The following SLC49A4 variants were observed in gnomAD, a reference collection of about 807,000 sequenced individuals.
SLC49A4 encodes the protein disrupted in renal cancer protein 2.
SLC49A4 carries 36 observed loss-of-function variants against 50.6 expected under a neutral mutation model. That is an observed-to-expected ratio of 0.71 (90% confidence interval 0.55 to 0.94). SLC49A4 has a LOEUF of 0.94. Among genes scored for constraint, SLC49A4 ranks in the 40% least tolerant of loss-of-function variants. SLC49A4 has a pLI of 0.00. For missense variants in SLC49A4, 503 were observed against 605.7 expected (o/e 0.83, Z 1.78); for synonymous variants, 248 against 241.2 (o/e 1.03, Z -0.26).
intron 4 of SLC49A4, among the ~76,000 whole-genome samples, chr3:122,844,783 CAA>C (rs1013063852): frequency 3.1e-5 from 4 of 130,714 alleles, no homozygotes; most frequent in African/African-American, 2.8e-5. Flanking sequence ...ACTCCATCTT[CAA>C]AAAAAAAAAA....
intron 7 of SLC49A4, among the ~76,000 whole-genome samples, chr3:122,870,418 T>C (rs1937181794): frequency 6.6e-6 from 1 of 151,774 alleles, no homozygotes; most frequent in Admixed American, 6.6e-5. Flanking sequence ...GGTCTCACCA[T>C]GTTACCCAGG....
chr3:122,875,232 CCCTT>C (rs1937250318), intron 8 of SLC49A4, among the ~76,000 whole-genome samples: 1 of 152,132 alleles, frequency 6.6e-6, no homozygotes, highest in South Asian at 2.1e-4. Context: ...AAACTGAACC[CCCTT>C]CCATTAAAGC....
intron 1 of SLC49A4, among the ~76,000 whole-genome samples, chr3:122,799,207 A>T (rs1414405457): frequency 6.6e-6 from 1 of 152,300 alleles, no homozygotes; most frequent in East Asian, 1.9e-4. Flanking sequence ...AATATTTAGT[A>T]TGTCACCTAG....
chr3:122,823,044 C>T (rs1364735778), intron 2 of SLC49A4, among the ~76,000 whole-genome samples: 1 of 152,176 alleles, frequency 6.6e-6, no homozygotes, highest in Non-Finnish European at 1.5e-5. Context: ...CTGAGGGTGT[C>T]CCATTCTGGC....
rs112425178 is a variant in SLC49A4, at chr3:122,878,866, G to A, written c.1322-397G>A. The stretch of plus-strand genomic sequence containing the variant: ...TTATTTCAAAATTCAGATGATTTTC[G>A]TATTTGTCTTTTTAATCCATCAGAT... On this transcript the variant is annotated intron_variant, in intron 8 of 8. Coordinates refer to ENST00000261038, the MANE Select transcript of SLC49A4 (RefSeq NM_032839.3). Among the ~76,000 whole-genome samples, 1,451 of 152,100 alleles carry A rather than the reference G, an allele frequency of 9.5e-3. 9 individuals carry two copies. The highest frequency in any genetic ancestry group is 0.017 in the Middle Eastern group (5 of 292).
At chr3:122,834,209 A>G (rs1936644376) in intron 4 of SLC49A4, among the ~76,000 whole-genome samples, 2 of 152,146 alleles carry the variant, frequency 1.3e-5, no homozygotes, top group African/African-American at 4.8e-5. Context: ...CTCTCCCCAG[A>G]TGGTAAGTTT....
chr3:122,875,114 G>A (rs1484066083), intron 8 of SLC49A4, among the ~76,000 whole-genome samples: 1 of 152,090 alleles, frequency 6.6e-6, no homozygotes, highest in Non-Finnish European at 1.5e-5. Context: ...ATTCTTTATG[G>A]TCTCAGGTAT....
At chr3:122,860,527 T>C (rs1937047955) in intron 7 of SLC49A4, among the ~76,000 whole-genome samples, 1 of 152,222 alleles carries the variant, frequency 6.6e-6, no homozygotes, top group South Asian at 2.1e-4. Context: ...TATATCACTG[T>C]TAAATAATAA....
chr3:122,848,705 G>A (rs1244591994), intron 5 of SLC49A4, among the ~76,000 whole-genome samples: 1 of 120,924 alleles, frequency 8.3e-6, no homozygotes, highest in Admixed American at 7.6e-5. Context: ...TGTAATTGCT[G>A]TACATATTTG....
At chr3:122,849,405 C>T (rs1240696283) in intron 5 of SLC49A4, among the ~76,000 whole-genome samples, 2 of 152,108 alleles carry the variant, frequency 1.3e-5, no homozygotes, top group Non-Finnish European at 1.5e-5. Flanking sequence ...ACCTCTGTAC[C>T]GTTTTCCATA....
At chr3:122,847,813 G>C (rs1282633757) in intron 5 of SLC49A4, among the ~76,000 whole-genome samples, 1 of 152,164 alleles carries the variant, frequency 6.6e-6, no homozygotes, top group Non-Finnish European at 1.5e-5. Flanking sequence ...GGATTTAGCA[G>C]ACTGAGGCTA....
intron 3 of SLC49A4, among the ~76,000 whole-genome samples, chr3:122,828,872 T>C (rs1936572542): frequency 6.6e-6 from 1 of 152,126 alleles, no homozygotes; most frequent in African/African-American, 2.4e-5. Flanking sequence ...ACCTAAGCAA[T>C]GATTGTATTT....
intron 7 of SLC49A4, among the ~76,000 whole-genome samples, chr3:122,860,923 C>T (rs1387008331): frequency 6.6e-6 from 1 of 152,104 alleles, no homozygotes; most frequent in African/African-American, 2.4e-5. Flanking sequence ...AATCTTTTTC[C>T]TTGCCTTTTC....
chr3:122,797,930 A>G (rs1432527923), intron 1 of SLC49A4, among the ~76,000 whole-genome samples: 3 of 152,206 alleles, frequency 2.0e-5, no homozygotes, highest in Admixed American at 6.5e-5. Context: ...GCAGTGAGCT[A>G]TGATTGCTCC....
intron 4 of SLC49A4, among the ~76,000 whole-genome samples, chr3:122,844,838 T>C (rs1031337868): frequency 6.6e-6 from 1 of 151,964 alleles, no homozygotes; most frequent in African/African-American, 2.4e-5. Context: ...GATTTTTTTC[T>C]TTTATAAAGC....
chr3:122,840,458 AAC>A (rs1289254862), intron 4 of SLC49A4, among the ~76,000 whole-genome samples: 9 of 152,214 alleles, frequency 5.9e-5, no homozygotes, highest in African/African-American at 2.2e-4. Flanking sequence ...ATCTTATTTT[AAC>A]AGGAAAAATA....
chr3:122,878,251 A>G (rs900729378), intron 8 of SLC49A4, among the ~76,000 whole-genome samples: 5 of 152,268 alleles, frequency 3.3e-5, no homozygotes, highest in Non-Finnish European at 5.9e-5. Flanking sequence ...AAAGGCACCA[A>G]GGAGCTTATT....
At chr3:122,866,210 T>G (rs1560238144) in intron 7 of SLC49A4, among the ~76,000 whole-genome samples, 1 of 150,966 alleles carries the variant, frequency 6.6e-6, no homozygotes, top group African/African-American at 2.4e-5. Context: ...CGTTGTTTTT[T>G]TTTTTTTTTT....
chr3:122,853,363 A>G (rs1177334446), intron 5 of SLC49A4, among the ~76,000 whole-genome samples: 1 of 152,210 alleles, frequency 6.6e-6, no homozygotes, highest in Non-Finnish European at 1.5e-5. Flanking sequence ...CCTTTACTAT[A>G]ATAAGAAAGG....
Sources: allele counts gnomAD v4.1 joint callset (sites outside exome capture counted in the v4.1 genomes callset), GRCh38; gene constraint gnomAD v4.1.1; transcripts MANE v1.5; gene names NCBI Gene and HGNC (gene_info 2026-07-23, HGNC 2026-07-21).